The following NEK1 variants were observed in gnomAD, a reference collection of about 807,000 sequenced individuals.
The protein encoded by NEK1 is NIMA related kinase 1, also known as serine/threonine-protein kinase Nek1.
Under a neutral mutation model 182.1 loss-of-function variants are expected in NEK1, and 137 were observed. The ratio of observed to expected loss-of-function variants is 0.75; its 90% CI spans 0.65 to 0.87. NEK1 has a LOEUF of 0.87. Ranked by LOEUF, NEK1 falls within the 40% of genes least tolerant of loss-of-function variation. The pLI is 0.00. For synonymous variants in NEK1, 513 were observed against 492.2 expected, an observed-to-expected ratio of 1.04 and a Z score of -0.56; for missense variants, 1,391 against 1,494.4, an observed-to-expected ratio of 0.93 and a Z score of 1.14.
intron 27 of NEK1, among the ~76,000 whole-genome samples, chr4:169,447,491 TAAGTATACAGAAAAACACAG>T (rs1352285104): frequency 6.6e-6 from 1 of 152,126 alleles, no homozygotes; most frequent in East Asian, 1.9e-4. Context: ...CCAGTAATAG[TAAGTATACAGAAAAACACAG>T]AATATTAGAA....
rs1731487710 is a variant in NEK1, at chr4:169,400,563, T to C, written c.3672A>G (p.Glu1224=). ...CCTCAAAGAATTTTTCAAAGCCCAT[T>C]TCCTGCTCCAGATGAAGTCTCAGTT... is the stretch of plus-strand genomic sequence containing the variant. The part of the protein sequence containing the change: ...LEELRLHLEQ[E]MGFEKFFEVY... Residue 1224 remains glutamate, a synonymous_variant, in exon 34 of 36, where the codon GAA becomes GAG. Transcript: ENST00000507142. 2 of 1,608,538 alleles carry C rather than the reference T, an allele frequency of 1.2e-6. No homozygotes were observed. The highest frequency in any genetic ancestry group is 2.7e-5 in the African/African-American group (2 of 74,794).
intron 11 of NEK1, among the ~76,000 whole-genome samples, chr4:169,577,901 G>A (rs1465923653): frequency 6.6e-6 from 1 of 151,848 alleles, no homozygotes; most frequent in African/African-American, 2.4e-5. Flanking sequence ...ATGTCTGAAT[G>A]GTATCTATAC....
At chr4:169,441,180 G>A (rs1739382029) in intron 27 of NEK1, among the ~76,000 whole-genome samples, 1 of 152,180 alleles carries the variant, frequency 6.6e-6, no homozygotes, top group Non-Finnish European at 1.5e-5. Flanking sequence ...CCCAGAGCCT[G>A]GGAGCTGCCT....
intron 2 of NEK1, 37 bp from the exon 3 acceptor site, chr4:169,602,715 A>G (rs1331343557): frequency 6.9e-6 from 5 of 722,198 alleles, no homozygotes; most frequent in Non-Finnish European, 1.2e-5. Context: ...ACATGAGATA[A>G]AACATTATAA....
At chr4:169,579,226 A>G (rs138143204) in intron 11 of NEK1, among the ~76,000 whole-genome samples, 1 of 152,288 alleles carries the variant, frequency 6.6e-6, no homozygotes, top group African/African-American at 2.4e-5. Context: ...CAGTAATACT[A>G]CTCCTATTAA....
intron 27 of NEK1, among the ~76,000 whole-genome samples, chr4:169,457,587 G>C (rs1561222465): frequency 6.7e-6 from 1 of 149,950 alleles, no homozygotes; most frequent in Non-Finnish European, 1.5e-5. Context: ...CTCCATTGCT[G>C]TTAGAAAAAA....
rs546084219 is a variant in NEK1, at chr4:169,560,799, T to A, written c.1266+681A>T. Among the ~76,000 whole-genome samples, 22 of 151,580 alleles carry A rather than the reference T, an allele frequency of 1.5e-4. No individual in the cohort carries two copies. In the South Asian group the frequency reaches 4.2e-3, roughly 29 times the overall value. ...TGGAAAAAAAACTTTTTTTTTTTTT[T>A]AAATCAAGAAACCAAAGCTCAGAAA... On this transcript the variant is annotated intron_variant, in intron 16 of 35. Coordinates refer to ENST00000507142, the MANE Select transcript of NEK1 (RefSeq NM_001199397.3).
chr4:169,504,036 T>A (rs928649462), intron 23 of NEK1, among the ~76,000 whole-genome samples: 3 of 151,638 alleles, frequency 2.0e-5, no homozygotes, highest in African/African-American at 7.3e-5. Context: ...ACAGGAAAAA[T>A]CTGATAATCC....
chr4:169,483,906 A>C (rs1196144537), intron 23 of NEK1, among the ~76,000 whole-genome samples: 2 of 151,996 alleles, frequency 1.3e-5, no homozygotes, highest in African/African-American at 2.4e-5. Context: ...TAACTTTTAA[A>C]AATATCTAGA....
intron 18 of NEK1, among the ~76,000 whole-genome samples, chr4:169,544,286 T>C (rs1759980596): frequency 6.6e-6 from 1 of 152,218 alleles, no homozygotes; most frequent in Non-Finnish European, 1.5e-5. Context: ...TTTGTGGATG[T>C]TGAACCAGCC....
intron 10 of NEK1, among the ~76,000 whole-genome samples, chr4:169,581,828 T>G (rs1766705627): frequency 6.6e-6 from 1 of 152,218 alleles, no homozygotes; most frequent in African/African-American, 2.4e-5. Flanking sequence ...TAATTTACTC[T>G]GAATCCTCTT....
At chr4:169,562,312 T>A in intron 12 of NEK1, 116 bp from the exon 13 acceptor site, 1 of 616,820 alleles carries the variant, frequency 1.6e-6, no homozygotes, top group Non-Finnish European at 2.7e-6. Context: ...TCCATAACTC[T>A]CTTCCAAATT....
At chr4:169,575,582 A>G (rs184630061) in intron 12 of NEK1, among the ~76,000 whole-genome samples, 1 of 152,298 alleles carries the variant, frequency 6.6e-6, no homozygotes, top group East Asian at 1.9e-4. Context: ...TCCCAGCTAG[A>G]GCAGCACCAG....
intron 18 of NEK1, among the ~76,000 whole-genome samples, chr4:169,539,836 C>G (rs1003525003): frequency 6.6e-6 from 1 of 152,074 alleles, no homozygotes; most frequent in African/African-American, 2.4e-5. Flanking sequence ...TATCAACTTC[C>G]TTCTCTAACT....
intron 2 of NEK1, among the ~76,000 whole-genome samples, chr4:169,606,771 G>T (rs537700210): frequency 6.6e-6 from 1 of 152,328 alleles, no homozygotes; most frequent in African/African-American, 2.4e-5. Context: ...CCATGATGGT[G>T]TTCTTAGTAT....
chr4:169,462,469 C>T (rs1744146306), intron 27 of NEK1, among the ~76,000 whole-genome samples: 1 of 152,016 alleles, frequency 6.6e-6, no homozygotes, highest in Admixed American at 6.6e-5. Flanking sequence ...CCTACTTTTG[C>T]CATTTCAGTA....
intron 27 of NEK1, among the ~76,000 whole-genome samples, chr4:169,454,238 C>T (rs540853794): frequency 2.0e-4 from 30 of 152,144 alleles, no homozygotes; most frequent in African/African-American, 6.7e-4. Flanking sequence ...TAGAAGAAAA[C>T]CCTAGGCAAT....
At chr4:169,549,942 G>A (rs1275239315) in intron 18 of NEK1, among the ~76,000 whole-genome samples, 1 of 152,108 alleles carries the variant, frequency 6.6e-6, no homozygotes, top group Non-Finnish European at 1.5e-5. Flanking sequence ...GGCTGGTCTT[G>A]AGCTCCTGAT....
In NEK1 at chr4:169,449,253, C is replaced by T. The variant is rs138855587; in HGVS notation, c.2588-10994G>A. Among the ~76,000 whole-genome samples, 878 of 152,112 alleles carry T rather than the reference C, an allele frequency of 5.8e-3. 7 individuals carry two copies. The highest frequency in any genetic ancestry group is 0.02 in the African/African-American group (847 of 41,560). On this transcript the variant is annotated intron_variant, in intron 27 of 35. Coordinates refer to ENST00000507142, the MANE Select transcript of NEK1 (RefSeq NM_001199397.3). ...GCATAGCTGAACAAAAGGCAGCAGA[C>T]AATTTCTGCAGACTTAAACGACCCT...
Sources: allele counts gnomAD v4.1 joint callset (sites outside exome capture counted in the v4.1 genomes callset), GRCh38; gene constraint gnomAD v4.1.1; transcripts MANE v1.5; gene names NCBI Gene and HGNC (gene_info 2026-07-23, HGNC 2026-07-21).